NEO1: variants seen among roughly 807,000 people sequenced by gnomAD.
The protein encoded by NEO1 is neogenin 1.
Under a neutral mutation model 159.7 loss-of-function variants are expected in NEO1, and 63 were observed. The ratio of observed to expected loss-of-function variants is 0.39; its 90% CI spans 0.32 to 0.49. The LOEUF is 0.49. Ranked by LOEUF, NEO1 falls within the 20% of genes least tolerant of loss-of-function variation. The pLI, the probability that NEO1 is intolerant of heterozygous loss-of-function variation, is 0.85. For synonymous variants in NEO1, 633 were observed against 662.0 expected, an observed-to-expected ratio of 0.96 and a Z score of 0.67; for missense variants, 1,615 against 1,831.0, an observed-to-expected ratio of 0.88 and a Z score of 2.15.
intron 1 of NEO1, among the ~76,000 whole-genome samples, chr15:73,079,736 G>C (rs1220798427): frequency 6.6e-6 from 1 of 152,146 alleles, no homozygotes; most frequent in Non-Finnish European, 1.5e-5. Flanking sequence ...GCTACATAGA[G>C]TGAATAAATT....
intron 7 of NEO1, among the ~76,000 whole-genome samples, chr15:73,215,051 G>GT (rs2037797942): frequency 6.6e-6 from 1 of 152,078 alleles, no homozygotes; most frequent in Admixed American, 6.6e-5. Flanking sequence ...TATAAAAGGG[G>GT]TTGAGTTCTT....
chr15:73,096,227 G>T (rs938124810), intron 1 of NEO1, among the ~76,000 whole-genome samples: 4 of 152,136 alleles, frequency 2.6e-5, no homozygotes, highest in African/African-American at 4.8e-5. Flanking sequence ...TATCTCGGTT[G>T]GTTCGGCTTA....
chr15:73,093,346 C>T (rs2069804084), intron 1 of NEO1, among the ~76,000 whole-genome samples: 2 of 152,148 alleles, frequency 1.3e-5, no homozygotes, highest in African/African-American at 4.8e-5. Context: ...CATGGGCAGC[C>T]TGCACTTCAG....
At chr15:73,054,754 G>A (rs954545336) in intron 1 of NEO1, among the ~76,000 whole-genome samples, 4 of 152,178 alleles carry the variant, frequency 2.6e-5, no homozygotes, top group African/African-American at 9.7e-5. Context: ...AAAGCGAGAG[G>A]AATAACTGCA....
At chr15:73,067,035 A>G (rs909314695) in intron 1 of NEO1, among the ~76,000 whole-genome samples, 8 of 152,190 alleles carry the variant, frequency 5.3e-5, no homozygotes, top group African/African-American at 1.7e-4. Flanking sequence ...ATCATTCCTG[A>G]AAGCTGAATT....
chr15:73,279,405 G>C (rs1251085887), intron 22 of NEO1, among the ~76,000 whole-genome samples: 2 of 139,862 alleles, frequency 1.4e-5, no homozygotes, highest in Admixed American at 8.3e-5. Context: ...CTGGAGTGCA[G>C]TGGCATGATC....
chr15:73,101,039 A>G (rs2070375840), intron 1 of NEO1, among the ~76,000 whole-genome samples: 1 of 152,228 alleles, frequency 6.6e-6, no homozygotes, highest in Non-Finnish European at 1.5e-5. Context: ...GAGGGGCAGC[A>G]TTCCTTCAAT....
chr15:73,244,915 A>G lies in NEO1; in HGVS notation c.1606+417A>G, dbSNP rs539454127. 4.8e-5 allele frequency among the ~76,000 whole-genome samples: 6 copies of G among 125,266 alleles called. No individual in the cohort carries two copies. In the South Asian group the frequency reaches 1.7e-3, roughly 36 times the overall value. 82.2% of individuals were successfully genotyped at this position (125,266 alleles called of 152,430 possible). A position where few individuals can be genotyped will look rare whatever the true frequency, so the allele number is the denominator to read the frequency against. ...GGTTGCAGTGAGCTGAGATTGCACCACTGTACTCCAGTCTGGGTGACAGAG... is the reference window on the plus strand; with the variant it reads ...GGTTGCAGTGAGCTGAGATTGCACCGCTGTACTCCAGTCTGGGTGACAGAG... On this transcript the variant is annotated intron_variant, in intron 9 of 28. Coordinates refer to ENST00000261908, the MANE Select transcript of NEO1 (RefSeq NM_002499.4).
At chr15:73,278,933 C>A (rs565093455) in intron 22 of NEO1, among the ~76,000 whole-genome samples, 2 of 152,280 alleles carry the variant, frequency 1.3e-5, no homozygotes, top group African/African-American at 4.8e-5. Flanking sequence ...GACGTGGGAA[C>A]CTAGAGTGGA....
intron 22 of NEO1, among the ~76,000 whole-genome samples, chr15:73,280,516 C>G (rs1000119713): frequency 2.0e-5 from 3 of 152,142 alleles, no homozygotes; most frequent in Non-Finnish European, 2.9e-5. Context: ...TTCAGCTCCC[C>G]AGCCTCTAAT....
chr15:73,173,097 T>C (rs2035067528), intron 5 of NEO1, among the ~76,000 whole-genome samples: 1 of 152,224 alleles, frequency 6.6e-6, no homozygotes, highest in African/African-American at 2.4e-5. Context: ...TTAAGTAACC[T>C]TGTTCTAAAT....
chr15:73,296,590 A>G (rs931891329), intron 26 of NEO1, among the ~76,000 whole-genome samples: 5 of 152,322 alleles, frequency 3.3e-5, no homozygotes, highest in Non-Finnish European at 7.3e-5. Context: ...CAACAAAGGC[A>G]GGGAAATGTG....
intron 24 of NEO1, among the ~76,000 whole-genome samples, chr15:73,288,821 C>G (rs2042050267): frequency 6.6e-6 from 1 of 152,156 alleles, no homozygotes; most frequent in African/African-American, 2.4e-5. Flanking sequence ...TTGAGGCTAG[C>G]TAGCCCATGT....
At chr15:73,086,356 A>G (rs2069358059) in intron 1 of NEO1, among the ~76,000 whole-genome samples, 1 of 152,100 alleles carries the variant, frequency 6.6e-6, no homozygotes, top group Admixed American at 6.6e-5. Context: ...CAAGTTGGGT[A>G]GTTTGAATCC....
At chr15:73,176,008 G>A (rs576085086) in intron 5 of NEO1, among the ~76,000 whole-genome samples, 3 of 152,226 alleles carry the variant, frequency 2.0e-5, no homozygotes, top group Admixed American at 2.0e-4. Flanking sequence ...CAAGCTGACT[G>A]AAAAGGAAAG....
intron 4 of NEO1, among the ~76,000 whole-genome samples, chr15:73,127,255 T>C (rs916975657): frequency 2.0e-4 from 31 of 151,908 alleles, no homozygotes; most frequent in African/African-American, 5.3e-4. Context: ...GAAACTGTAT[T>C]CCTCATCCTG....
chr15:73,299,386 C>CTT (rs879735123), intron 27 of NEO1, among the ~76,000 whole-genome samples: 3 of 143,664 alleles, frequency 2.1e-5, no homozygotes, highest in African/African-American at 5.1e-5. Context: ...AACTATTTTC[C>CTT]TTTTTTTTTT....
At chr15:73,138,276 A>T (rs1427786011) in intron 5 of NEO1, among the ~76,000 whole-genome samples, 1 of 152,208 alleles carries the variant, frequency 6.6e-6, no homozygotes, top group Non-Finnish European at 1.5e-5. Context: ...ACAATAGCGT[A>T]ATCTTTTTAA....
chr15:73,071,236 GC>G (rs1197751547), intron 1 of NEO1, among the ~76,000 whole-genome samples: 2 of 152,176 alleles, frequency 1.3e-5, no homozygotes, highest in Non-Finnish European at 2.9e-5. Flanking sequence ...ATCGTGCCTG[GC>G]CCTAAGCGAT....
Sources: gnomAD v4.1 joint callset for allele counts (sites outside exome capture counted in the v4.1 genomes callset) on GRCh38, gnomAD v4.1.1 for gene constraint, MANE v1.5 for transcripts, NCBI Gene and HGNC (gene_info 2026-07-23, HGNC 2026-07-21) for gene names.